Variants in F2R observed in about 807,000 individuals in gnomAD.
The protein encoded by F2R is coagulation factor II thrombin receptor.
A neutral mutation model predicts 18.3 loss-of-function variants in F2R; 12 were observed. The ratio of observed to expected loss-of-function variants is 0.66; its 90% CI spans 0.42 to 1.06. The LOEUF is 1.06. Among genes scored for constraint, F2R ranks in the 50% least tolerant of loss-of-function variants. The probability of loss-of-function intolerance (pLI) is 0.00; values close to 1 mark genes in which losing one functional copy is unlikely to be tolerated. For synonymous variants in F2R, 210 were observed against 219.9 expected (o/e 0.95, Z 0.40); for missense variants, 438 against 530.8 (o/e 0.83, Z 1.72).
Position 76,733,266 on chromosome 5 carries a change from G to A in F2R, c.1041G>A (p.Glu347=), listed in dbSNP as rs1408789798. The change falls in exon 2 of 2, where the codon GAG becomes GAA. Residue 347 remains glutamate (E), a synonymous_variant. Coordinates refer to ENST00000319211, the MANE Select transcript of F2R (RefSeq NM_001992.5). ...TCCTTTCTCACACTTCCACCACAGAGGCTGCCTACTTTGCCTACCTCCTCT... is the reference window on the plus strand; with the variant it reads ...TCCTTTCTCACACTTCCACCACAGAAGCTGCCTACTTTGCCTACCTCCTCT... ...YSFLSHTSTT[E]AAYFAYLLCV... 1 of 1,614,136 alleles carries A rather than the reference G, an allele frequency of 6.2e-7. No individual in the cohort carries two copies. The highest frequency in any genetic ancestry group is 1.1e-5 in the South Asian group (1 of 91,076).
chr5:76,728,307 AT>A (rs1264872534), intron 1 of F2R, among the ~76,000 whole-genome samples: 4 of 152,268 alleles, frequency 2.6e-5, no homozygotes, highest in African/African-American at 4.8e-5. Context: ...TTTAACAGAA[AT>A]TTTGTACCCT....
intron 1 of F2R, chr5:76,716,810 A>G (rs935236437): frequency 3.9e-6 from 2 of 513,368 alleles, no homozygotes; most frequent in African/African-American, 2.0e-5. Context: ...CTGCCGCTGA[A>G]GTTTTGCTTT....
chr5:76,720,636 C>T (rs974987500), intron 1 of F2R, among the ~76,000 whole-genome samples: 6 of 152,020 alleles, frequency 3.9e-5, no homozygotes, highest in Admixed American at 3.3e-4. Flanking sequence ...GTCATTTCCC[C>T]GAAAGGAAAC....
chr5:76,716,542 A>G, intron 1 of F2R, 147 bp downstream of exon 1: 1 of 759,326 alleles, frequency 1.3e-6, no homozygotes, highest in Non-Finnish European at 2.0e-6. Context: ...AGTTTTTTCC[A>G]GTCACGTTTA....
At chr5:76,719,250 G>T (rs944713726) in intron 1 of F2R, among the ~76,000 whole-genome samples, 1 of 152,194 alleles carries the variant, frequency 6.6e-6, no homozygotes, top group African/African-American at 2.4e-5. Context: ...CATTTTACTG[G>T]TTATAAAACA....
chr5:76,722,490 T>G (rs1748480339), intron 1 of F2R, among the ~76,000 whole-genome samples: 1 of 152,134 alleles, frequency 6.6e-6, no homozygotes, highest in South Asian at 2.1e-4. Context: ...TCATGCCTGC[T>G]GTGGCGTTGG....
intron 1 of F2R, among the ~76,000 whole-genome samples, chr5:76,728,685 C>CTTTTTTTTT (rs763418437): frequency 5.4e-4 from 49 of 90,520 alleles, no homozygotes; most frequent in East Asian, 7.0e-4. Context: ...ACATCCTGGT[C>CTTTTTTTTT]TTTTTTTTTT....
chr5:76,729,851 G>C (rs1561630286), intron 1 of F2R, among the ~76,000 whole-genome samples: 1 of 152,160 alleles, frequency 6.6e-6, no homozygotes, highest in African/African-American at 2.4e-5. Context: ...GAATCATGGA[G>C]ACGGGTCTTT....
Position 76,732,937 on chromosome 5 carries a change from C to T in F2R, c.712C>T (p.Leu238Phe), listed in dbSNP as rs748320077. 2.2e-5 allele frequency: 36 copies of T among 1,614,086 alleles called. No individual in the cohort carries two copies. The highest frequency in any genetic ancestry group is 2.8e-5 in the Non-Finnish European group (33 of 1,180,050). ...ALAIAGVVPL[L>F]LKEQTIQVPG... ...GGCCATCGCAGGGGTAGTGCCTCTG[C>T]TCCTCAAGGAGCAAACCATCCAGGT... Residue 238 changes from leucine to phenylalanine, a missense_variant, in exon 2 of 2, where the codon CTC (leucine) becomes TTC (phenylalanine). Leu to Phe is a conservative substitution (Grantham distance 22). Transcript: ENST00000319211.
rs1748755999 is a variant in F2R, at chr5:76,735,059, G to A, written c.*1556G>A. 1 of 152,272 alleles carries A rather than the reference G, an allele frequency of 6.6e-6. No individual in the cohort carries two copies. Among genetic ancestry groups the A allele is most frequent in the African/African-American group, 2.4e-5 (1 of 41,432 alleles). The allele number at this position is 152,272 out of a possible 1,614,324, so 9.4% of individuals were successfully genotyped here. On this transcript the variant is annotated 3_prime_UTR_variant, in exon 2 of 2. Coordinates refer to ENST00000319211, the MANE Select transcript of F2R (RefSeq NM_001992.5). ...CATTTTTTAACCTCCTAAGTATCAAGTATAGAAAATCTTCATGGAATTCAC... is the reference window on the plus strand; with the variant it reads ...CATTTTTTAACCTCCTAAGTATCAAATATAGAAAATCTTCATGGAATTCAC...
intron 1 of F2R, among the ~76,000 whole-genome samples, chr5:76,730,637 A>T (rs1748652573): frequency 6.6e-6 from 1 of 152,132 alleles, no homozygotes; most frequent in Non-Finnish European, 1.5e-5. Context: ...TCTGGACACT[A>T]TCTACCTCTA....
rs1425539666 is a variant in F2R, at chr5:76,716,386, C to T, written c.79C>T (p.Arg27Cys). The change falls in exon 1 of 2, where the codon CGC (arginine) becomes TGC (cysteine). Residue 27 changes from arginine (R) to cysteine (C), a missense_variant. By Grantham distance (180) the Arg-to-Cys change is radical. Transcript: ENST00000319211. ...GCTGTTGTCTGCCCGCACCCGGGCC[C>T]GCAGGCCAGGTGAGAGATGCACGGG... ...GPLLSARTRA[R>C]RPESKATNAT... The T allele has an allele frequency of 6.9e-7, 1 of 1,450,924 alleles. No homozygotes were observed. The highest frequency in any genetic ancestry group is 9.0e-7 in the Non-Finnish European group (1 of 1,105,668). The allele number at this position is 1,450,924 out of a possible 1,614,324, so 89.9% of individuals were successfully genotyped here. A position where few individuals can be genotyped will look rare whatever the true frequency, so the allele number is the denominator to read the frequency against.
At chr5:76,716,667 C>T in intron 1 of F2R, 1 of 746,074 alleles carries the variant, frequency 1.3e-6, no homozygotes, top group East Asian at 2.5e-5. Context: ...GGAGCGGAAG[C>T]CCCCTGGGGG....
chr5:76,732,897 G>T lies in F2R; in HGVS notation c.672G>T (p.Leu224=). ...RTLGRASFTC[L]AIWALAIAGV... ...TGGGAAGGGCTTCCTTCACTTGTCT[G>T]GCCATCTGGGCTTTGGCCATCGCAG... The change falls in exon 2 of 2, where the codon CTG becomes CTT. Residue 224 remains leucine, a synonymous_variant. Transcript: ENST00000319211. 6.2e-7 allele frequency: 1 copy of T among 1,614,136 alleles called. No homozygotes were observed. The highest frequency in any genetic ancestry group is 8.5e-7 in the Non-Finnish European group (1 of 1,180,030).
chr5:76,732,271 G>A (rs544102775), intron 1 of F2R, 43 bp from the exon 2 acceptor site: 42 of 1,475,878 alleles, frequency 2.8e-5, no homozygotes, highest in Non-Finnish European at 3.6e-5. Context: ...TTGTTGATGC[G>A]TTCACTTTTT....
intron 1 of F2R, among the ~76,000 whole-genome samples, chr5:76,717,361 T>C (rs1382007711): frequency 6.6e-6 from 1 of 152,240 alleles, no homozygotes; most frequent in Non-Finnish European, 1.5e-5. Context: ...ATAACAATAG[T>C]ATTTTATAAG....
At chr5:76,722,614 G>A (rs1748485718) in intron 1 of F2R, among the ~76,000 whole-genome samples, 2 of 152,186 alleles carry the variant, frequency 1.3e-5, no homozygotes, top group African/African-American at 4.8e-5. Context: ...GAGGAGAGGA[G>A]GCCTCTGATA....
chr5:76,719,109 CG>C (rs1748400050), intron 1 of F2R, among the ~76,000 whole-genome samples: 2 of 152,324 alleles, frequency 1.3e-5, no homozygotes, highest in African/African-American at 4.8e-5. Flanking sequence ...ATCCCATACC[CG>C]CCACGTTCAT....
intron 1 of F2R, among the ~76,000 whole-genome samples, chr5:76,722,906 G>A (rs1478367406): frequency 2.0e-5 from 3 of 150,972 alleles, no homozygotes; most frequent in East Asian, 3.9e-4. Flanking sequence ...AGCCAAGATC[G>A]TGCCACTGCA....
Sources: allele counts gnomAD v4.1 joint callset (sites outside exome capture counted in the v4.1 genomes callset), GRCh38; gene constraint gnomAD v4.1.1; transcripts MANE v1.5; gene names NCBI Gene and HGNC (gene_info 2026-07-23, HGNC 2026-07-21).